The following NBAS variants were observed in gnomAD, a reference collection of about 807,000 sequenced individuals.
NBAS encodes NAG/BC035112 fusion.
NBAS carries 219 observed loss-of-function variants against 302.5 expected under a neutral mutation model. The observed-to-expected ratio is 0.72, with a 90% CI of 0.65 to 0.81. The LOEUF (loss-of-function observed/expected upper bound fraction) is 0.81. NBAS is among the 30% of genes least tolerant of loss of function. The pLI, the probability that NBAS is intolerant of heterozygous loss-of-function variation, is 0.00. For missense variants in NBAS, 2,932 were observed against 2,841.6 expected, an observed-to-expected ratio of 1.03 and a Z score of -0.72; for synonymous variants, 1,118 against 1,021.6, an observed-to-expected ratio of 1.09 and a Z score of -1.80.
chr2:15,353,435 T>A (rs983791920), intron 34 of NBAS, 118 bp downstream of exon 34: 6 of 1,259,472 alleles, frequency 4.8e-6, no homozygotes, highest in Non-Finnish European at 6.9e-6. Flanking sequence ...ACAATCTAGT[T>A]TTCTTCCATA....
rs545485558 is a variant in NBAS, at chr2:15,179,463, G to T, written c.6712-347C>A. On this transcript the variant is annotated intron_variant, in intron 50 of 51. Transcript: ENST00000281513. ...AAATGTATGTATTTATAGCTCCTTT[G>T]CAGGTTTTGTGTTTTGTGTGTGTGT... 1.1e-5 allele frequency: 3 copies of T among 278,554 alleles called. No individual in the cohort carries two copies. The South Asian group carries it at 1.3e-4, about 12-fold the overall frequency. 17.3% of individuals were successfully genotyped at this position (278,554 alleles called of 1,614,324 possible).
At chr2:15,097,633 A>C in the NBAS span, among the ~76,000 whole-genome samples, 17 of 151,880 alleles carry the variant, frequency 1.1e-4, no homozygotes, top group East Asian at 3.3e-3. Context: ...CAGGTGGTAC[A>C]AAAGAGAGCA....
At chr2:15,458,340 C>T (rs925581891) in intron 21 of NBAS, among the ~76,000 whole-genome samples, 3 of 152,080 alleles carry the variant, frequency 2.0e-5, no homozygotes, top group Non-Finnish European at 4.4e-5. Flanking sequence ...GATGTTTTTT[C>T]CCACCAAATC....
At chr2:14,940,749 C>T in the NBAS span, among the ~76,000 whole-genome samples, 2 of 152,178 alleles carry the variant, frequency 1.3e-5, no homozygotes, top group Non-Finnish European at 2.9e-5. Context: ...GGGCTGCTCC[C>T]GATGTATGGT....
the NBAS span, among the ~76,000 whole-genome samples, chr2:15,158,844 G>A: frequency 1.3e-5 from 2 of 152,174 alleles, 1 homozygote; most frequent in East Asian, 3.9e-4. Context: ...GGGGGCGGTT[G>A]GTCAGAGAGA....
At chr2:15,329,031 G>A (rs1449364438) in intron 36 of NBAS, among the ~76,000 whole-genome samples, 5 of 152,074 alleles carry the variant, frequency 3.3e-5, no homozygotes, top group African/African-American at 7.2e-5. Flanking sequence ...CCCCACACAC[G>A]GCTTTGAGAC....
intron 21 of NBAS, among the ~76,000 whole-genome samples, chr2:15,445,854 A>T (rs1678709482): frequency 6.6e-6 from 1 of 151,954 alleles, no homozygotes; most frequent in Non-Finnish European, 1.5e-5. Context: ...CAAGAGGCAC[A>T]GAATATTAAA....
chr2:14,797,274 G>A, the NBAS span, among the ~76,000 whole-genome samples: 13 of 152,122 alleles, frequency 8.5e-5, no homozygotes, highest in Non-Finnish European at 1.5e-4. Context: ...CCCTCCAGCT[G>A]TCCATGTAAC....
At chr2:15,542,229 G>A (rs1199079253) in intron 6 of NBAS, among the ~76,000 whole-genome samples, 1 of 87,914 alleles carries the variant, frequency 1.1e-5, no homozygotes, top group Non-Finnish European at 2.6e-5. Context: ...GATGGTTGCC[G>A]TGTCTGTGTA....
the NBAS span, among the ~76,000 whole-genome samples, chr2:15,044,392 C>T: frequency 2.6e-5 from 4 of 152,218 alleles, no homozygotes; most frequent in Admixed American, 1.3e-4. Context: ...ATACTCAAGC[C>T]TATTGACATT....
chr2:14,785,414 G>T, the NBAS span, among the ~76,000 whole-genome samples: 2 of 152,154 alleles, frequency 1.3e-5, no homozygotes, highest in East Asian at 1.9e-4. Flanking sequence ...CAAAGGGAAT[G>T]CTTCCAGTTT....
intron 44 of NBAS, among the ~76,000 whole-genome samples, chr2:15,274,545 C>T (rs1669481028): frequency 6.6e-6 from 1 of 151,796 alleles, no homozygotes; most frequent in South Asian, 2.1e-4. Flanking sequence ...TGAAAAATGT[C>T]CATTTGTTTA....
chr2:15,287,427 T>C (rs946775079), intron 41 of NBAS, among the ~76,000 whole-genome samples: 23 of 152,330 alleles, frequency 1.5e-4, no homozygotes, highest in African/African-American at 5.3e-4. Context: ...CTGTGGATGA[T>C]TTTGTTCCCC....
chr2:15,045,413 C>T, the NBAS span, among the ~76,000 whole-genome samples: 128 of 152,292 alleles, frequency 8.4e-4, no homozygotes, highest in African/African-American at 3.0e-3. Flanking sequence ...GTTGGAGTGG[C>T]CTTGCAGTGT....
chr2:14,788,208 TAG>T, the NBAS span, among the ~76,000 whole-genome samples: 1 of 152,216 alleles, frequency 6.6e-6, no homozygotes, highest in African/African-American at 2.4e-5. Flanking sequence ...TTGGTTATTC[TAG>T]TTATACATTC....
chr2:15,333,688 G>A (rs1305663193), intron 35 of NBAS, among the ~76,000 whole-genome samples: 1 of 150,796 alleles, frequency 6.6e-6, no homozygotes, highest in African/African-American at 2.4e-5. Flanking sequence ...GACAAGTAGA[G>A]AAATTCCATC....
the NBAS span, among the ~76,000 whole-genome samples, chr2:15,005,740 T>G: frequency 6.6e-6 from 1 of 152,184 alleles, no homozygotes; most frequent in African/African-American, 2.4e-5. Context: ...TCAGCAAGAG[T>G]TGAGAACACT....
chr2:14,815,381 A>G, the NBAS span, among the ~76,000 whole-genome samples: 97 of 152,314 alleles, frequency 6.4e-4, no homozygotes, highest in African/African-American at 2.1e-3. Context: ...AGAGCCAAAA[A>G]TGTCCTGCTT....
the NBAS span, among the ~76,000 whole-genome samples, chr2:14,909,274 T>G: frequency 1.4e-5 from 2 of 147,062 alleles, no homozygotes; most frequent in African/African-American, 5.1e-5. Flanking sequence ...GAGCCGGGAT[T>G]GTGCCACTGC....
Sources: gnomAD v4.1 joint callset for allele counts (sites outside exome capture counted in the v4.1 genomes callset) on GRCh38, gnomAD v4.1.1 for gene constraint, MANE v1.5 for transcripts, NCBI Gene and HGNC (gene_info 2026-07-23, HGNC 2026-07-21) for gene names.